Variants in DNAH11 observed in about 807,000 individuals in gnomAD.
DNAH11 encodes the protein axonemal beta dynein heavy chain 11.
DNAH11 carries 442 observed loss-of-function variants against 526.0 expected under a neutral mutation model. That is an observed-to-expected ratio of 0.84 (90% CI 0.78 to 0.91). The LOEUF (loss-of-function observed/expected upper bound fraction) is 0.91. Among genes scored for constraint, DNAH11 ranks in the 40% least tolerant of loss-of-function variants. The pLI is 0.00. For synonymous variants in DNAH11, 2,461 were observed against 1,935.9 expected, an observed-to-expected ratio of 1.27 and a Z score of -7.12; for missense variants, 6,989 against 5,448.7, an observed-to-expected ratio of 1.28 and a Z score of -8.90.
intron 30 of DNAH11, among the ~76,000 whole-genome samples, chr7:21,668,444 G>T (rs1782508550): frequency 6.6e-6 from 1 of 152,112 alleles, no homozygotes; most frequent in Admixed American, 6.5e-5. Context: ...GCATGTGCTA[G>T]CCCTCTTTGA....
rs752676810 is a variant in DNAH11 at position 21,704,508 on chromosome 7, G to T, written c.6348G>T (p.Leu2116=). 6.2e-7 allele frequency: 1 copy of T among 1,613,716 alleles called. No individual in the cohort carries two copies. The highest frequency in any genetic ancestry group is 2.2e-5 in the East Asian group (1 of 44,880). The part of the protein sequence containing the change: ...VTDDIPVFLG[L]VGDLFPALDV... The stretch of plus-strand genomic sequence containing the variant: ...ACGACATCCCAGTGTTTCTGGGCCT[G>T]GTCGGTGACCTGTTTCCAGCCCTGG... Residue 2116 remains leucine, a synonymous_variant, in exon 38 of 82, where the codon CTG becomes CTT. Coordinates refer to ENST00000409508, the MANE Select transcript of DNAH11 (RefSeq NM_001277115.2).
Position 21,892,493 on chromosome 7 carries a change from C to T in DNAH11, c.12576C>T (p.His4192=). 1 of 1,613,960 alleles carries T rather than the reference C, an allele frequency of 6.2e-7. No individual in the cohort carries two copies. The highest frequency in any genetic ancestry group is 1.1e-5 in the South Asian group (1 of 91,078). Residue 4192 remains histidine (H), a synonymous_variant, in exon 77 of 82, where the codon CAC becomes CAT. Transcript: ENST00000409508. ...APPYLDYAGY[H]QYIEEMLPPE... ...CCTACCTAGATTATGCAGGCTACCA[C>T]CAGTACATAGAGGAGATGCTTCCTC...
chr7:21,741,803 T>A, intron 48 of DNAH11, 124 bp from the exon 49 acceptor site: 1 of 1,088,114 alleles, frequency 9.2e-7, no homozygotes, highest in Non-Finnish European at 1.3e-6. Context: ...AGAGTCAGAG[T>A]GGAGCACTAA....
intron 54 of DNAH11, among the ~76,000 whole-genome samples, chr7:21,757,813 G>C (rs1786706086): frequency 6.6e-6 from 1 of 152,148 alleles, no homozygotes; most frequent in African/African-American, 2.4e-5. Context: ...ACACACACAT[G>C]ACATAAGCCA....
chr7:21,862,889 C>T (rs1783118601), intron 69 of DNAH11, among the ~76,000 whole-genome samples: 1 of 151,690 alleles, frequency 6.6e-6, no homozygotes, highest in African/African-American at 2.4e-5. Context: ...ACAGTGAAAC[C>T]CCGGCTCTAC....
intron 28 of DNAH11, among the ~76,000 whole-genome samples, chr7:21,646,744 C>T (rs1176755667): frequency 1.3e-5 from 2 of 152,064 alleles, no homozygotes; most frequent in Non-Finnish European, 2.9e-5. Context: ...TTCCTGGTAG[C>T]GGGGAATAAA....
chr7:21,765,656 ACACT>A (rs1787150667), intron 55 of DNAH11, 67 bp downstream of exon 55: 16 of 1,230,106 alleles, frequency 1.3e-5, no homozygotes, highest in African/African-American at 3.4e-5. Context: ...ACACACACAC[ACACT>A]CTGAAAATCC....
intron 79 of DNAH11, among the ~76,000 whole-genome samples, chr7:21,895,920 G>A (rs905967974): frequency 6.6e-6 from 1 of 152,168 alleles, no homozygotes; most frequent in African/African-American, 2.4e-5. Context: ...TAGTAGAGAC[G>A]GGGTTTCACC....
chr7:21,577,482 T>C (rs1784141063), intron 8 of DNAH11, among the ~76,000 whole-genome samples: 1 of 152,146 alleles, frequency 6.6e-6, no homozygotes, highest in African/African-American at 2.4e-5. Context: ...AATCCTGGAT[T>C]TCCTTCTTCA....
intron 20 of DNAH11, among the ~76,000 whole-genome samples, chr7:21,608,664 T>G (rs1304227169): frequency 2.6e-5 from 4 of 152,240 alleles, no homozygotes; most frequent in Non-Finnish European, 5.9e-5. Flanking sequence ...TTATTTTTTA[T>G]TTTTTAAAGA....
At chr7:21,800,646 A>G (rs370405152) in intron 61 of DNAH11, among the ~76,000 whole-genome samples, 3 of 152,316 alleles carry the variant, frequency 2.0e-5, no homozygotes, top group Admixed American at 6.5e-5. Flanking sequence ...AATGAAAAAG[A>G]AAAATCCGAT....
intron 29 of DNAH11, among the ~76,000 whole-genome samples, chr7:21,657,671 A>G (rs199896048): frequency 1.3e-5 from 2 of 152,198 alleles, no homozygotes; most frequent in Non-Finnish European, 1.5e-5. Context: ...ACCCTTAGTT[A>G]TTAAGGCAGA....
chr7:21,760,378 C>G (rs973450167), intron 54 of DNAH11, among the ~76,000 whole-genome samples: 6 of 152,144 alleles, frequency 3.9e-5, no homozygotes, highest in African/African-American at 1.4e-4. Flanking sequence ...GGGGACCCGA[C>G]TTGCCCATCC....
intron 30 of DNAH11, among the ~76,000 whole-genome samples, chr7:21,667,287 T>C (rs757833265): frequency 1.3e-5 from 2 of 152,168 alleles, no homozygotes; most frequent in African/African-American, 4.8e-5. Flanking sequence ...GTCATAAATA[T>C]GTCTTGACTG....
rs777561596 is a variant in DNAH11, at chr7:21,559,557, T to TA, written c.693-42dup. ...AACTATTAAAGTCTATGTCTTTGGA[T>TA]AAAATGATTCATCTTTGAATTATTT... On this transcript the variant is annotated intron_variant, in intron 3 of 81. Coordinates refer to ENST00000409508, the MANE Select transcript of DNAH11 (RefSeq NM_001277115.2). 51 of 1,445,456 alleles carry TA rather than the reference T, an allele frequency of 3.5e-5. No individual in the cohort carries two copies. The African/African-American group carries it at 6.8e-4, about 19-fold the overall frequency. The allele number at this position is 1,445,456 out of a possible 1,614,324, so 89.5% of individuals were successfully genotyped here.
chr7:21,551,363 T>C (rs573078830), intron 2 of DNAH11, among the ~76,000 whole-genome samples: 12 of 152,210 alleles, frequency 7.9e-5, no homozygotes, highest in Non-Finnish European at 1.3e-4. Context: ...TTACATGAGC[T>C]ATGGTTACCT....
At chr7:21,816,785 G>C (rs1789815527) in intron 64 of DNAH11, 83 bp downstream of exon 64, 1 of 1,091,108 alleles carries the variant, frequency 9.2e-7, no homozygotes. Context: ...ATGTTTCTTA[G>C]ACCTCTCCAC....
chr7:21,603,007 T>C (rs540427997), intron 18 of DNAH11, among the ~76,000 whole-genome samples: 8 of 152,258 alleles, frequency 5.3e-5, no homozygotes, highest in African/African-American at 1.4e-4. Context: ...AGAAATCCCA[T>C]ACCACTTCTC....
In DNAH11 at chr7:21,600,885, A is replaced by C; in HGVS notation, c.3210A>C (p.Glu1070Asp). 1 of 1,613,974 alleles carries C rather than the reference A, an allele frequency of 6.2e-7. No homozygotes were observed. Among genetic ancestry groups the C allele is most frequent in the Admixed American group, 1.7e-5 (1 of 60,008 alleles). The change falls in exon 16 of 82, where the codon GAA (glutamate) becomes GAC (aspartate). Residue 1070 changes from glutamate to aspartate, a missense_variant. Coordinates refer to ENST00000409508, the MANE Select transcript of DNAH11 (RefSeq NM_001277115.2). The stretch of plus-strand genomic sequence containing the variant: ...ATGAAATGGATGCTCATGCAAATGA[A>C]GAAATTCCCGAACAACCACCAACTC... Reference protein sequence around the residue: ...SSDEMDAHANEEIPEQPPTLE... With the variant: ...SSDEMDAHANDEIPEQPPTLE...
Sources: gnomAD v4.1 joint callset for allele counts (sites outside exome capture counted in the v4.1 genomes callset) on GRCh38, gnomAD v4.1.1 for gene constraint, MANE v1.5 for transcripts, NCBI Gene and HGNC (gene_info 2026-07-23, HGNC 2026-07-21) for gene names.